The following OVCH1 variants were observed in gnomAD, a reference collection of about 807,000 sequenced individuals.
The protein encoded by OVCH1 is ovochymase 1.
Under a neutral mutation model 138.4 loss-of-function variants are expected in OVCH1, and 139 were observed. The observed-to-expected ratio is 1.00, with a 90% CI of 0.87 to 1.16. The LOEUF (loss-of-function observed/expected upper bound fraction) is 1.16, where lower values mean the gene tolerates loss of function less well. Ranked by LOEUF, OVCH1 falls within the 50% of genes most tolerant of loss-of-function variation. The probability of loss-of-function intolerance (pLI) is 0.00; values close to 1 mark genes in which losing one functional copy is unlikely to be tolerated. For synonymous variants in OVCH1, 453 were observed against 467.8 expected, an observed-to-expected ratio of 0.97 and a Z score of 0.41; for missense variants, 1,367 against 1,357.9, an observed-to-expected ratio of 1.01 and a Z score of -0.11.
intron 3 of OVCH1, among the ~76,000 whole-genome samples, chr12:29,421,469 AC>A (rs1212732880): frequency 2.6e-5 from 4 of 152,192 alleles, no homozygotes; most frequent in Non-Finnish European, 5.9e-5. Context: ...AATAAAGTTA[AC>A]TAAAATATTA....
exon 9 of OVCH1, chr12:29,478,882 C>G (rs746203493): frequency 6.3e-7 from 1 of 1,587,478 alleles, no homozygotes; most frequent in East Asian, 2.3e-5. Flanking sequence ...GTCATGATCA[C>G]ATCCAACTTG....
chr12:29,442,937 C>CA lies in OVCH1; in HGVS notation c.3157+423dup, dbSNP rs567190030. 1.7e-3 allele frequency among the ~76,000 whole-genome samples: 249 copies of CA among 149,336 alleles called. 2 individuals are homozygous for CA. The East Asian group carries it at 0.019, about 11-fold the overall frequency. ...ATTAAATAAAAACAACGATTTGTGC[C>CA]AAAAAAAAAGAAAATAATGAGTTTA... On this transcript the variant is annotated intron_variant, in intron 25 of 27. Coordinates refer to ENST00000318184, the Ensembl canonical transcript of OVCH1.
At chr12:29,410,625 G>T (rs1452979872), downstream of OVCH1, among the ~76,000 whole-genome samples, 1 of 144,090 alleles carries the variant, frequency 6.9e-6, no homozygotes, top group Admixed American at 7.3e-5. Flanking sequence ...CTTTAAGAAT[G>T]TTGAATATTG....
intron 3 of OVCH1, among the ~76,000 whole-genome samples, chr12:29,413,700 C>T (rs1940993482): frequency 7.4e-6 from 1 of 134,376 alleles, no homozygotes; most frequent in Admixed American, 8.4e-5. Flanking sequence ...ATTGGTTTTC[C>T]CATGCTGTTT....
chr12:29,426,568 CAG>C (rs1299667438), downstream of OVCH1, among the ~76,000 whole-genome samples: 1 of 152,322 alleles, frequency 6.6e-6, no homozygotes, highest in Non-Finnish European at 1.5e-5. Context: ...ATGGCCCAAA[CAG>C]ATATCTCTCT....
chr12:29,454,861 G>C (rs372815997), exon 21 of OVCH1: 2 of 1,611,164 alleles, frequency 1.2e-6, no homozygotes, highest in Non-Finnish European at 1.7e-6. Context: ...TGCACTGTCT[G>C]GTGAAGGTGT....
chr12:29,455,799 C>T (rs905835863), intron 19 of OVCH1, among the ~76,000 whole-genome samples: 5 of 152,100 alleles, frequency 3.3e-5, no homozygotes, highest in African/African-American at 1.2e-4. Flanking sequence ...TCAGATGGAT[C>T]CATCACAAGA....
intron 25 of OVCH1, among the ~76,000 whole-genome samples, chr12:29,442,841 T>C (rs1411284497): frequency 6.6e-6 from 1 of 151,770 alleles, no homozygotes; most frequent in Non-Finnish European, 1.5e-5. Context: ...AAGAGAAAAA[T>C]AGGTATTTCA....
chr12:29,445,185 C>A (rs1941579244), intron 23 of OVCH1, 93 bp downstream of exon 23: 3 of 1,322,278 alleles, frequency 2.3e-6, no homozygotes, highest in Non-Finnish European at 3.1e-6. Context: ...AACATAATTT[C>A]TTTCAAAATG....
chr12:29,420,566 G>A (rs1941089977), intron 3 of OVCH1, among the ~76,000 whole-genome samples: 1 of 8,884 alleles, frequency 1.1e-4, no homozygotes, highest in South Asian at 2.0e-3. Flanking sequence ...GCCGGACTGC[G>A]GACTGCAGTG....
exon 28 of OVCH1, chr12:29,427,615 G>T: frequency 6.4e-7 from 1 of 1,551,360 alleles, no homozygotes; most frequent in Non-Finnish European, 8.7e-7. Context: ...AAATCTGCTG[G>T]CACCTGGATC....
downstream of OVCH1, among the ~76,000 whole-genome samples, chr12:29,407,774 T>C (rs1248377026): frequency 6.6e-6 from 1 of 151,710 alleles, no homozygotes; most frequent in African/African-American, 2.4e-5. Context: ...GGTTTAGGAT[T>C]GACTTGGCTA....
chr12:29,442,471 G>A (rs1189601722), intron 25 of OVCH1, among the ~76,000 whole-genome samples: 2 of 110,956 alleles, frequency 1.8e-5, no homozygotes, highest in African/African-American at 6.9e-5. Context: ...GTGGACTGTT[G>A]TGGGGTGGGG....
downstream of OVCH1, among the ~76,000 whole-genome samples, chr12:29,409,286 G>T (rs1940922602): frequency 1.3e-5 from 2 of 152,092 alleles, no homozygotes. Context: ...GTTTTGAAGG[G>T]TTTTTTGTGT....
At chr12:29,458,149 G>A (rs1942015793) in intron 19 of OVCH1, among the ~76,000 whole-genome samples, 1 of 152,204 alleles carries the variant, frequency 6.6e-6, no homozygotes, top group South Asian at 2.1e-4. Context: ...ATCATAAAAT[G>A]TATATGGAAC....
At chr12:29,490,669 C>A (rs936967004) in intron 5 of OVCH1, among the ~76,000 whole-genome samples, 1 of 152,310 alleles carries the variant, frequency 6.6e-6, no homozygotes, top group Non-Finnish European at 1.5e-5. Context: ...ACTTGTCATA[C>A]AATTCCACAT....
At chr12:29,472,062 C>T in intron 15 of OVCH1, 80 bp from the exon 16 acceptor site, 1 of 1,337,758 alleles carries the variant, frequency 7.5e-7, no homozygotes, top group Non-Finnish European at 1.0e-6. Flanking sequence ...CCATAGTTAA[C>T]AGTAGTGATT....
At chr12:29,443,303 T>A in intron 25 of OVCH1, 58 bp downstream of exon 25, 1 of 1,543,896 alleles carries the variant, frequency 6.5e-7, no homozygotes, top group South Asian at 1.2e-5. Context: ...TGAAACAATC[T>A]AAACATGTTT....
chr12:29,472,835 T>C (rs1942559486), intron 15 of OVCH1, among the ~76,000 whole-genome samples, 194 bp downstream of exon 15: 1 of 152,218 alleles, frequency 6.6e-6, no homozygotes, highest in African/African-American at 2.4e-5. Flanking sequence ...CTAAAGCTCA[T>C]TTGTTCTTCC....
Sources: allele counts gnomAD v4.1 joint callset (sites outside exome capture counted in the v4.1 genomes callset), GRCh38; gene constraint gnomAD v4.1.1; transcripts MANE v1.5; gene names NCBI Gene and HGNC (gene_info 2026-07-23, HGNC 2026-07-21).